Variants in MLLT3 observed in about 807,000 individuals in gnomAD.
The protein encoded by MLLT3 is protein AF-9.
A neutral mutation model predicts 53.2 loss-of-function variants in MLLT3; 4 were observed. The ratio of observed to expected loss-of-function variants is 0.08; its 90% CI spans 0.04 to 0.17. The LOEUF (loss-of-function observed/expected upper bound fraction) is 0.17, where lower values mean the gene tolerates loss of function less well. MLLT3 is among the 10% of genes least tolerant of loss of function. The pLI is 1.00. For missense variants in MLLT3, 569 were observed against 684.0 expected, an observed-to-expected ratio of 0.83 and a Z score of 1.87; for synonymous variants, 283 against 230.6, an observed-to-expected ratio of 1.23 and a Z score of -2.06.
At chr9:20,455,355 TA>T (rs1223462884) in intron 3 of MLLT3, among the ~76,000 whole-genome samples, 1 of 152,238 alleles carries the variant, frequency 6.6e-6, no homozygotes, top group African/African-American at 2.4e-5. Context: ...GAGACTGCTA[TA>T]AGTTAAAAAG....
chr9:20,444,019 A>G (rs890161475), intron 4 of MLLT3, among the ~76,000 whole-genome samples: 3 of 152,208 alleles, frequency 2.0e-5, no homozygotes, highest in Non-Finnish European at 4.4e-5. Flanking sequence ...TTAGTTCCCC[A>G]ATATACAATA....
chr9:20,402,556 C>T (rs1229119424), intron 5 of MLLT3, among the ~76,000 whole-genome samples: 1 of 152,202 alleles, frequency 6.6e-6, no homozygotes, highest in East Asian at 1.9e-4. Context: ...GCTTCATTTA[C>T]ACTGGAGTTT....
intron 2 of MLLT3, among the ~76,000 whole-genome samples, chr9:20,492,289 A>G (rs1824966642): frequency 6.6e-6 from 1 of 152,020 alleles, no homozygotes; most frequent in Non-Finnish European, 1.5e-5. Flanking sequence ...AAATGAAGGT[A>G]CCAAGATCCT....
At chr9:20,488,249 C>G (rs570785941) in intron 2 of MLLT3, among the ~76,000 whole-genome samples, 29 of 152,014 alleles carry the variant, frequency 1.9e-4, no homozygotes, top group African/African-American at 7.0e-4. Flanking sequence ...AAACTTCCAG[C>G]TTGGGGTAAC....
At chr9:20,487,536 C>A (rs1386848418) in intron 2 of MLLT3, among the ~76,000 whole-genome samples, 1 of 152,126 alleles carries the variant, frequency 6.6e-6, no homozygotes, top group African/African-American at 2.4e-5. Flanking sequence ...TTGTTTTATA[C>A]TCCCTAATCA....
intron 2 of MLLT3, among the ~76,000 whole-genome samples, chr9:20,494,829 TA>T (rs1825041704): frequency 6.6e-6 from 1 of 152,138 alleles, no homozygotes; most frequent in South Asian, 2.1e-4. Flanking sequence ...TCATATATAT[TA>T]AAACTGAAAA....
At chr9:20,497,894 T>C (rs1263888453) in intron 2 of MLLT3, among the ~76,000 whole-genome samples, 1 of 151,970 alleles carries the variant, frequency 6.6e-6, no homozygotes, top group Non-Finnish European at 1.5e-5. Context: ...GTTTCCAAAG[T>C]GATTATACCA....
At chr9:20,610,923 C>G (rs141403949) in intron 2 of MLLT3, among the ~76,000 whole-genome samples, 9 of 152,180 alleles carry the variant, frequency 5.9e-5, no homozygotes, top group African/African-American at 2.2e-4. Flanking sequence ...CTCAATGCAA[C>G]TAAATCTCAA....
Position 20,343,087 on chromosome 9 carries a change from T to C in MLLT3, c.*3356A>G, listed in dbSNP as rs1337742835. On this transcript the variant is annotated 3_prime_UTR_variant, in exon 11 of 11. Transcript: ENST00000380338. ...TCTTAAACAAATATATTAACTACATTTGTGGAGCTTGAAGTAGTAAATAGG... is the reference window on the plus strand; with the variant it reads ...TCTTAAACAAATATATTAACTACATCTGTGGAGCTTGAAGTAGTAAATAGG... 1 of 180,762 alleles carries C rather than the reference T, an allele frequency of 5.5e-6. No individual in the cohort carries two copies. Among genetic ancestry groups the C allele is most frequent in the Non-Finnish European group, 1.2e-5 (1 of 86,510 alleles). The allele number at this position is 180,762 out of a possible 1,614,324, so 11.2% of individuals were successfully genotyped here.
chr9:20,386,902 T>C (rs1190412029), intron 5 of MLLT3, among the ~76,000 whole-genome samples: 1 of 152,224 alleles, frequency 6.6e-6, no homozygotes, highest in Non-Finnish European at 1.5e-5. Context: ...AAATTATTAT[T>C]CTAATTGTCT....
chr9:20,395,961 A>G (rs1035549466), intron 5 of MLLT3, among the ~76,000 whole-genome samples: 9 of 152,176 alleles, frequency 5.9e-5, no homozygotes, highest in Admixed American at 5.9e-4. Context: ...TCCTGTGTTC[A>G]GGACAGCATA....
intron 5 of MLLT3, among the ~76,000 whole-genome samples, chr9:20,372,408 TTC>T (rs1821629137): frequency 6.6e-6 from 1 of 152,106 alleles, no homozygotes; most frequent in Non-Finnish European, 1.5e-5. Context: ...TTTCTTTCTT[TTC>T]TCTTTTAGAC....
intron 2 of MLLT3, among the ~76,000 whole-genome samples, chr9:20,600,920 C>T (rs1165467257): frequency 2.0e-5 from 3 of 152,152 alleles, no homozygotes; most frequent in South Asian, 2.1e-4. Flanking sequence ...CAAAATTCAA[C>T]GGCACCTTCA....
intron 2 of MLLT3, among the ~76,000 whole-genome samples, chr9:20,556,630 C>A (rs528818202): frequency 3.4e-4 from 51 of 152,128 alleles, no homozygotes; most frequent in Non-Finnish European, 6.2e-4. Flanking sequence ...TTGCAGTGAT[C>A]CGAGATCGCA....
Position 20,500,264 on chromosome 9 carries a change from T to C in MLLT3, c.194-43478A>G, listed in dbSNP as rs1254570247. ...AATACAGTTGGTCTTCTCAGGGCCC[T>C]TGGTCTCTCCTCACAACACAATGGC... On this transcript the variant is annotated intron_variant, in intron 2 of 10. Coordinates refer to ENST00000380338, the MANE Select transcript of MLLT3 (RefSeq NM_004529.4). Among the ~76,000 whole-genome samples, 3 of 152,284 alleles carry C rather than the reference T, an allele frequency of 2.0e-5. No individual in the cohort carries two copies. In the East Asian group the frequency reaches 5.8e-4, roughly 29 times the overall value.
chr9:20,467,149 T>G (rs946912627), intron 2 of MLLT3, among the ~76,000 whole-genome samples: 1 of 145,594 alleles, frequency 6.9e-6, no homozygotes, highest in Non-Finnish European at 1.5e-5. Flanking sequence ...TGGCAAAGAG[T>G]TTTTTTTTTT....
At chr9:20,388,370 C>T (rs897384982) in intron 5 of MLLT3, among the ~76,000 whole-genome samples, 16 of 152,072 alleles carry the variant, frequency 1.1e-4, no homozygotes, top group Admixed American at 3.9e-4. Flanking sequence ...GTGCAGATCA[C>T]GAGGTCAGGA....
At chr9:20,542,195 C>A (rs1818653321) in intron 2 of MLLT3, among the ~76,000 whole-genome samples, 1 of 151,614 alleles carries the variant, frequency 6.6e-6, no homozygotes, top group African/African-American at 2.4e-5. Context: ...ACATTCCCAT[C>A]ACAGCTCTTC....
At chr9:20,477,703 T>C (rs1252506712) in intron 2 of MLLT3, among the ~76,000 whole-genome samples, 6 of 152,206 alleles carry the variant, frequency 3.9e-5, no homozygotes, top group Non-Finnish European at 8.8e-5. Flanking sequence ...GTGACCTTTC[T>C]GGCTCTACAG....
Sources: allele counts gnomAD v4.1 joint callset (sites outside exome capture counted in the v4.1 genomes callset), GRCh38; gene constraint gnomAD v4.1.1; transcripts MANE v1.5; gene names NCBI Gene and HGNC (gene_info 2026-07-23, HGNC 2026-07-21).